AADACL4: variants seen among roughly 807,000 people sequenced by gnomAD.
AADACL4 encodes arylacetamide deacetylase-like 4.
AADACL4 carries 9 observed loss-of-function variants against 14.1 expected under a neutral mutation model. That is an observed-to-expected ratio of 0.64 (90% CI 0.39 to 1.12). The LOEUF is 1.12. AADACL4 is among the 50% of genes most tolerant of loss of function. The pLI is 0.01. For synonymous variants in AADACL4, 188 were observed against 201.6 expected (o/e 0.93, Z 0.57); for missense variants, 531 against 516.1 (o/e 1.03, Z -0.28).
chr1:12,659,589 C>T (rs979359385), intron 2 of AADACL4, among the ~76,000 whole-genome samples: 1 of 152,172 alleles, frequency 6.6e-6, no homozygotes, highest in Admixed American at 6.5e-5. Context: ...TATACACAGG[C>T]AGGACCCAAC....
intron 1 of AADACL4, among the ~76,000 whole-genome samples, chr1:12,645,126 CTCCT>C (rs1647103064): frequency 1.4e-5 from 2 of 141,838 alleles, no homozygotes; most frequent in South Asian, 4.8e-4. Flanking sequence ...CTCTCCCTCC[CTCCT>C]TCCTTCCTCC....
chr1:12,648,980 A>G (rs767015359), intron 1 of AADACL4, among the ~76,000 whole-genome samples: 5 of 152,192 alleles, frequency 3.3e-5, no homozygotes, highest in African/African-American at 4.8e-5. Flanking sequence ...TTCCTGTTCT[A>G]GATGCTGGAG....
At chr1:12,660,552 C>T (rs1321069333) in intron 2 of AADACL4, among the ~76,000 whole-genome samples, 3 of 152,102 alleles carry the variant, frequency 2.0e-5, no homozygotes, top group East Asian at 1.9e-4. Flanking sequence ...TAGCAGAGGT[C>T]TTTACTTTGT....
intron 2 of AADACL4, among the ~76,000 whole-genome samples, 199 bp downstream of exon 2, chr1:12,651,538 T>G (rs902947659): frequency 7.9e-5 from 12 of 152,328 alleles, no homozygotes; most frequent in African/African-American, 2.6e-4. Context: ...AATCCTTTTC[T>G]TTTCTTTAAT....
At chr1:12,659,319 A>G (rs968810768) in intron 2 of AADACL4, among the ~76,000 whole-genome samples, 32 of 152,300 alleles carry the variant, frequency 2.1e-4, no homozygotes, top group African/African-American at 7.7e-4. Context: ...AGAATCTCAC[A>G]GCATCATTCC....
chr1:12,661,736 G>A, intron 2 of AADACL4, 55 bp from the exon 3 acceptor site: 5 of 1,552,020 alleles, frequency 3.2e-6, no homozygotes, highest in Non-Finnish European at 2.7e-6. Flanking sequence ...GGGCTGTGGT[G>A]AGATGGTTTG....
intron 1 of AADACL4, 108 bp downstream of exon 1, chr1:12,644,822 A>T: frequency 8.0e-7 from 1 of 1,247,218 alleles, no homozygotes. Flanking sequence ...CTCTCTTCGG[A>T]CTCCCTCAAG....
intron 2 of AADACL4, among the ~76,000 whole-genome samples, chr1:12,653,383 A>G (rs1377930449): frequency 6.6e-6 from 1 of 152,242 alleles, no homozygotes; most frequent in East Asian, 1.9e-4. Flanking sequence ...CTATTGGAGG[A>G]CCCAGGAAAG....
chr1:12,665,985 T>C lies in AADACL4; in HGVS notation c.474T>C (p.His158=). 1.9e-6 allele frequency: 3 copies of C among 1,610,068 alleles called. No homozygotes were observed. Among genetic ancestry groups the C allele is most frequent in the Non-Finnish European group, 2.5e-6 (3 of 1,177,006 alleles). Residue 158 remains histidine, a synonymous_variant, in exon 4 of 4, where the codon CAT becomes CAC. Coordinates refer to ENST00000376221, the MANE Select transcript of AADACL4 (RefSeq NM_001013630.2). ...MIGYRKLPDH[H]SPALFQDCMN... is the part of the protein sequence containing the mutation. ...GGTACCGCAAGCTTCCTGACCACCA[T>C]TCCCCTGCCCTTTTCCAAGACTGCA...
At chr1:12,657,492 G>A (rs751559215) in intron 2 of AADACL4, among the ~76,000 whole-genome samples, 2 of 152,118 alleles carry the variant, frequency 1.3e-5, no homozygotes, top group Non-Finnish European at 2.9e-5. Context: ...CAGTGTTCAG[G>A]CTCTTGACAC....
chr1:12,661,719 T>C (rs1647231293), intron 2 of AADACL4, 72 bp from the exon 3 acceptor site: 2 of 1,470,402 alleles, frequency 1.4e-6, no homozygotes, highest in Non-Finnish European at 1.9e-6. Flanking sequence ...CAGCTGGCTC[T>C]TCCTGGGGGC....
At chr1:12,653,842 T>C (rs1317765791) in intron 2 of AADACL4, among the ~76,000 whole-genome samples, 1 of 152,192 alleles carries the variant, frequency 6.6e-6, no homozygotes, top group Non-Finnish European at 1.5e-5. Flanking sequence ...CTATACCCTC[T>C]TTTTCCCAGG....
chr1:12,650,126 A>G (rs1054781267), intron 1 of AADACL4, among the ~76,000 whole-genome samples: 4 of 152,142 alleles, frequency 2.6e-5, no homozygotes, highest in Non-Finnish European at 5.9e-5. Flanking sequence ...TGTTCTTGTC[A>G]TTCTTATCAT....
intron 3 of AADACL4, among the ~76,000 whole-genome samples, chr1:12,664,552 A>C (rs970122666): frequency 3.3e-5 from 5 of 151,964 alleles, no homozygotes; most frequent in African/African-American, 1.2e-4. Flanking sequence ...TTTTTAGTAG[A>C]GATGGGGTTT....
At chr1:12,665,786 G>A (rs946242837) in intron 3 of AADACL4, among the ~76,000 whole-genome samples, 175 bp from the exon 4 acceptor site, 9 of 152,200 alleles carry the variant, frequency 5.9e-5, no homozygotes, top group Admixed American at 1.3e-4. Context: ...TATGACTCTA[G>A]GCAGGTTCTT....
At chr1:12,657,619 G>A (rs981241308) in intron 2 of AADACL4, among the ~76,000 whole-genome samples, 1 of 152,190 alleles carries the variant, frequency 6.6e-6, no homozygotes, top group East Asian at 1.9e-4. Context: ...AGAGACACGT[G>A]CGAGGAGGAT....
intron 3 of AADACL4, 69 bp downstream of exon 3, chr1:12,661,923 T>C (rs1249444130): frequency 2.0e-6 from 3 of 1,528,206 alleles, no homozygotes; most frequent in Admixed American, 3.4e-5. Context: ...CATGGGTGAT[T>C]TGTAGATCAG....
At chr1:12,658,508 C>G (rs2100766288) in intron 2 of AADACL4, among the ~76,000 whole-genome samples, 1 of 152,214 alleles carries the variant, frequency 6.6e-6, no homozygotes, top group East Asian at 1.9e-4. Context: ...ATCCACCCGC[C>G]TTGGCCTCCC....
chr1:12,652,978 G>A (rs1167811450), intron 2 of AADACL4, among the ~76,000 whole-genome samples: 1 of 152,166 alleles, frequency 6.6e-6, no homozygotes, highest in Non-Finnish European at 1.5e-5. Flanking sequence ...CTATTCTTCT[G>A]CGACCACCCT....
Sources: allele counts gnomAD v4.1 joint callset (sites outside exome capture counted in the v4.1 genomes callset), GRCh38; gene constraint gnomAD v4.1.1; transcripts MANE v1.5; gene names NCBI Gene and HGNC (gene_info 2026-07-23, HGNC 2026-07-21).